The following KLF12 variants were observed in gnomAD, a reference collection of about 807,000 sequenced individuals.
The protein encoded by KLF12 is KLF transcription factor 12.
KLF12 carries 9 observed loss-of-function variants against 37.8 expected under a neutral mutation model. That is an observed-to-expected ratio of 0.24 (90% CI 0.14 to 0.42). The LOEUF (loss-of-function observed/expected upper bound fraction) is 0.42. Ranked by LOEUF, KLF12 falls within the 10% of genes least tolerant of loss-of-function variation. KLF12 has a pLI of 1.00. For synonymous variants in KLF12, 208 were observed against 202.1 expected, an observed-to-expected ratio of 1.03 and a Z score of -0.25; for missense variants, 411 against 516.0, an observed-to-expected ratio of 0.80 and a Z score of 1.97.
At chr13:74,137,573 C>A (rs1878595824), upstream of KLF12, among the ~76,000 whole-genome samples, 1 of 152,078 alleles carries the variant, frequency 6.6e-6, no homozygotes, top group African/African-American at 2.4e-5. Flanking sequence ...CACCCAAACA[C>A]CCTCAAAGCA....
intron 3 of KLF12, among the ~76,000 whole-genome samples, chr13:73,899,138 A>C (rs1887924700): frequency 6.6e-6 from 1 of 152,212 alleles, no homozygotes; most frequent in African/African-American, 2.4e-5. Flanking sequence ...AGGGGGCTGG[A>C]GTCATGGCCA....
the KLF12 span, among the ~76,000 whole-genome samples, chr13:74,183,567 C>T: frequency 1.3e-5 from 2 of 151,984 alleles, no homozygotes; most frequent in Non-Finnish European, 1.5e-5. Context: ...AAATTATACA[C>T]CAATTCCCTG....
chr13:74,022,747 C>T (rs1017760748), intron 1 of KLF12, among the ~76,000 whole-genome samples: 2 of 152,068 alleles, frequency 1.3e-5, no homozygotes, highest in Non-Finnish European at 2.9e-5. Context: ...CTCCAACCCC[C>T]CCAACATATA....
intron 4 of KLF12, among the ~76,000 whole-genome samples, chr13:73,826,999 T>C (rs924852627): frequency 2.6e-5 from 4 of 152,192 alleles, no homozygotes; most frequent in African/African-American, 9.7e-5. Flanking sequence ...CAGACTGATC[T>C]TGAACTCCTG....
chr13:73,799,052 A>G (rs569140886), intron 5 of KLF12, among the ~76,000 whole-genome samples: 9 of 152,236 alleles, frequency 5.9e-5, no homozygotes, highest in Non-Finnish European at 1.0e-4. Flanking sequence ...AAAACGTGGC[A>G]CATATACCCC....
intron 7 of KLF12, among the ~76,000 whole-genome samples, chr13:73,710,248 A>AGTT (rs1364248089): frequency 6.6e-6 from 1 of 152,202 alleles, no homozygotes; most frequent in African/African-American, 2.4e-5. Context: ...GACAAGATAC[A>AGTT]GTTGTTAGCA....
At chr13:73,718,691 A>C (rs1875995790) in intron 6 of KLF12, among the ~76,000 whole-genome samples, 1 of 152,182 alleles carries the variant, frequency 6.6e-6, no homozygotes, top group African/African-American at 2.4e-5. Context: ...TCAGGAGTTC[A>C]AGACCAGCCA....
the KLF12 span, among the ~76,000 whole-genome samples, chr13:74,275,858 CTTTCTTTCT>C: frequency 4.6e-3 from 521 of 113,928 alleles, 7 homozygotes; most frequent in African/African-American, 0.018. Flanking sequence ...TTCTTTCTTT[CTTTCTTTCT>C]ATCTTTCTTT....
chr13:74,176,660 C>G, the KLF12 span, among the ~76,000 whole-genome samples: 1 of 152,172 alleles, frequency 6.6e-6, no homozygotes, highest in East Asian at 1.9e-4. Flanking sequence ...CATTCAGGTG[C>G]TGAATCTCGA....
At chr13:73,700,178 A>G (rs1874440097) in intron 7 of KLF12, among the ~76,000 whole-genome samples, 1 of 152,028 alleles carries the variant, frequency 6.6e-6, no homozygotes, top group South Asian at 2.1e-4. Context: ...GAGGCATGAG[A>G]ATCACTTGAA....
chr13:73,922,534 G>C (rs946674052), intron 3 of KLF12, among the ~76,000 whole-genome samples: 1 of 152,146 alleles, frequency 6.6e-6, no homozygotes, highest in Non-Finnish European at 1.5e-5. Flanking sequence ...ATTTTGTTTT[G>C]TTGGGGGTGG....
chr13:74,256,688 T>TGTGTGTGTG, the KLF12 span, among the ~76,000 whole-genome samples: 326 of 148,018 alleles, frequency 2.2e-3, 2 homozygotes, highest in African/African-American at 7.2e-3. Context: ...TGAGTAGAGC[T>TGTGTGTGTG]TGTGTGTGTG....
intron 1 of KLF12, among the ~76,000 whole-genome samples, chr13:74,041,345 A>G (rs1893397231): frequency 6.6e-6 from 1 of 152,158 alleles, no homozygotes; most frequent in Non-Finnish European, 1.5e-5. Flanking sequence ...ATATCAAAAG[A>G]CTGGCTTTGT....
chr13:73,803,353 C>A (rs1882384075), intron 5 of KLF12, among the ~76,000 whole-genome samples: 1 of 152,160 alleles, frequency 6.6e-6, no homozygotes, highest in Non-Finnish European at 1.5e-5. Flanking sequence ...ATTCCTTCTG[C>A]CTGGAATGCT....
chr13:74,082,312 C>G (rs947063020), intron 1 of KLF12, among the ~76,000 whole-genome samples: 2 of 152,070 alleles, frequency 1.3e-5, no homozygotes, highest in Admixed American at 1.3e-4. Context: ...CACACATATC[C>G]TTTTCACATG....
At chr13:74,274,368 A>G in the KLF12 span, among the ~76,000 whole-genome samples, 1 of 152,162 alleles carries the variant, frequency 6.6e-6, no homozygotes, top group Non-Finnish European at 1.5e-5. Context: ...GCTTCTTCTT[A>G]CATTACTTAT....
chr13:73,721,740 A>G (rs1035702080), intron 6 of KLF12, among the ~76,000 whole-genome samples: 5 of 150,188 alleles, frequency 3.3e-5, no homozygotes, highest in Non-Finnish European at 5.9e-5. Context: ...TTTGGTAGAG[A>G]AAGGGTCTTG....
chr13:74,171,375 G>T, the KLF12 span, among the ~76,000 whole-genome samples: 1 of 152,134 alleles, frequency 6.6e-6, no homozygotes, highest in Non-Finnish European at 1.5e-5. Flanking sequence ...CACACATCCA[G>T]TTAGGAGACT....
chr13:73,896,781 TAG>T (rs1453156105), intron 3 of KLF12, among the ~76,000 whole-genome samples: 1 of 152,190 alleles, frequency 6.6e-6, no homozygotes, highest in Non-Finnish European at 1.5e-5. Context: ...CCCTAAATGA[TAG>T]ACTCACTTTT....
Sources: gnomAD v4.1 joint callset for allele counts (sites outside exome capture counted in the v4.1 genomes callset) on GRCh38, gnomAD v4.1.1 for gene constraint, MANE v1.5 for transcripts, NCBI Gene and HGNC (gene_info 2026-07-23, HGNC 2026-07-21) for gene names.